CCDC146: variants seen among roughly 807,000 people sequenced by gnomAD.
CCDC146 encodes coiled-coil domain containing 146.
Under a neutral mutation model 119.3 loss-of-function variants are expected in CCDC146, and 92 were observed. The observed-to-expected ratio is 0.77, with a 90% confidence interval of 0.65 to 0.92. The LOEUF is 0.92. Ranked by LOEUF, CCDC146 falls within the 40% of genes least tolerant of loss-of-function variation. CCDC146 has a pLI of 0.00. For missense variants in CCDC146, 1,000 were observed against 1,103.0 expected, an observed-to-expected ratio of 0.91 and a Z score of 1.32; for synonymous variants, 372 against 371.8, an observed-to-expected ratio of 1.00 and a Z score of -0.01.
chr7:77,246,138 C>T (rs1241532490), intron 4 of CCDC146, among the ~76,000 whole-genome samples: 1 of 152,132 alleles, frequency 6.6e-6, no homozygotes, highest in Non-Finnish European at 1.5e-5. Flanking sequence ...TCAGCCCTGA[C>T]TGGTCAGTCA....
Position 77,261,769 on chromosome 7 carries a change from G to T in CCDC146, c.987-352G>T, listed in dbSNP as rs189130298. On this transcript the variant is annotated intron_variant, in intron 8 of 18. Transcript: ENST00000285871. ...TGGGATTACAGGCGTGAGCCACCGC[G>T]CCCAGCCCTCATTCTTTTTTATGGC... Among the ~76,000 whole-genome samples, 5 of 152,334 alleles carry T rather than the reference G, an allele frequency of 3.3e-5. No individual in the cohort carries two copies. In the South Asian group the frequency reaches 6.2e-4, roughly 19 times the overall value.
chr7:77,287,673 G>A (rs74874938), intron 17 of CCDC146, 96 bp downstream of exon 17: 4 of 1,337,710 alleles, frequency 3.0e-6, no homozygotes, highest in Non-Finnish European at 4.1e-6. Flanking sequence ...AAGCACTGGA[G>A]AGATTAGGCT....
chr7:77,183,690 T>G (rs1448611143), intron 2 of CCDC146, among the ~76,000 whole-genome samples: 1 of 152,210 alleles, frequency 6.6e-6, no homozygotes, highest in Non-Finnish European at 1.5e-5. Context: ...TGATAAAATG[T>G]GATCACTTCT....
chr7:77,186,566 C>T (rs1791670065), intron 2 of CCDC146, among the ~76,000 whole-genome samples: 1 of 151,984 alleles, frequency 6.6e-6, no homozygotes, highest in Admixed American at 6.6e-5. Context: ...ACGAGACCTA[C>T]AATGGGGGAC....
At chr7:77,125,038 A>T (rs1435658119) in intron 1 of CCDC146, among the ~76,000 whole-genome samples, 7 of 151,932 alleles carry the variant, frequency 4.6e-5, no homozygotes, top group Admixed American at 2.0e-4. Context: ...ACTAAAAATT[A>T]AAAAAATTAG....
chr7:77,191,313 G>A (rs1732212413), intron 2 of CCDC146, among the ~76,000 whole-genome samples: 1 of 152,074 alleles, frequency 6.6e-6, no homozygotes, highest in Non-Finnish European at 1.5e-5. Context: ...GGCTGTAATT[G>A]CTTCTCACCT....
chr7:77,184,664 A>G (rs1206251586), intron 2 of CCDC146, among the ~76,000 whole-genome samples: 1 of 152,190 alleles, frequency 6.6e-6, no homozygotes, highest in Non-Finnish European at 1.5e-5. Flanking sequence ...AAATTCTGCC[A>G]TGTAACCATG....
chr7:77,290,879 C>T (rs1332415671), intron 17 of CCDC146, among the ~76,000 whole-genome samples: 3 of 152,162 alleles, frequency 2.0e-5, no homozygotes, highest in Admixed American at 6.5e-5. Flanking sequence ...CAGATATGCT[C>T]TGTTAGGAGA....
At chr7:77,278,423 A>G (rs1584141084) in intron 11 of CCDC146, among the ~76,000 whole-genome samples, 1 of 149,990 alleles carries the variant, frequency 6.7e-6, no homozygotes. Flanking sequence ...CAACCCAGCA[A>G]GCCAAGAAAT....
intron 9 of CCDC146, among the ~76,000 whole-genome samples, chr7:77,262,512 A>G (rs1233593883): frequency 6.6e-6 from 1 of 152,246 alleles, no homozygotes; most frequent in Non-Finnish European, 1.5e-5. Context: ...CCAAGATTAG[A>G]GAAATGTCTT....
chr7:77,123,403 G>GGGGT (rs1379477523), intron 1 of CCDC146, among the ~76,000 whole-genome samples: 346 of 125,228 alleles, frequency 2.8e-3, no homozygotes, highest in African/African-American at 9.3e-3. Flanking sequence ...GACCCTATAA[G>GGGGT]GTGTGTGTGT....
chr7:77,282,625 A>G lies in CCDC146; in HGVS notation c.1988A>G (p.Lys663Arg), dbSNP rs573731267. Residue 663 changes from lysine to arginine, a missense_variant, in exon 15 of 19, where the codon AAG (lysine) becomes AGG (arginine). Physicochemically the swap from Lys to Arg is conservative, Grantham distance 26 (BLOSUM62 2). Around this residue, in one of 2 missense-constraint regions of CCDC146, gnomAD observed 985 missense variants for 1,045.3 expected, o/e 0.94. Transcript: ENST00000285871. ...IFYEKINIQEKMKLNGEIEIH... is the reference protein window; with the variant it reads ...IFYEKINIQERMKLNGEIEIH... Reference sequence around the variant, plus strand: ...TATGAAAAAATAAATATCCAAGAGAAGATGAAACTAAATGGAGAAATTGAA... The same window carrying G: ...TATGAAAAAATAAATATCCAAGAGAGGATGAAACTAAATGGAGAAATTGAA... The G allele has an allele frequency of 1.2e-6, 2 of 1,613,126 alleles. No individual in the cohort carries two copies. The highest frequency in any genetic ancestry group is 2.7e-5 in the African/African-American group (2 of 75,026).
chr7:77,192,874 G>C (rs890719631), intron 2 of CCDC146, among the ~76,000 whole-genome samples: 2 of 152,050 alleles, frequency 1.3e-5, no homozygotes, highest in African/African-American at 2.4e-5. Flanking sequence ...AGTGAGCCGA[G>C]ATCTCGCCAT....
At chr7:77,275,489 T>C (rs1793617148) in intron 11 of CCDC146, among the ~76,000 whole-genome samples, 1 of 152,194 alleles carries the variant, frequency 6.6e-6, no homozygotes, top group African/African-American at 2.4e-5. Context: ...TTTGAACAGA[T>C]GGCAATTTCA....
intron 9 of CCDC146, 72 bp downstream of exon 9, chr7:77,262,379 T>G (rs1793317336): frequency 4.8e-6 from 6 of 1,257,058 alleles, no homozygotes; most frequent in Non-Finnish European, 6.5e-6. Context: ...TTTTAGGAAG[T>G]TGTTTTTGCT....
chr7:77,205,417 G>A (rs1792065187), intron 2 of CCDC146, among the ~76,000 whole-genome samples: 1 of 152,130 alleles, frequency 6.6e-6, no homozygotes, highest in Non-Finnish European at 1.5e-5. Context: ...CCTGAAAGAA[G>A]TTTATCTAAT....
intron 1 of CCDC146, among the ~76,000 whole-genome samples, chr7:77,145,336 C>G (rs1164174972): frequency 6.6e-6 from 1 of 151,230 alleles, no homozygotes; most frequent in Non-Finnish European, 1.5e-5. Flanking sequence ...TGCTAGTGGT[C>G]TATCAATTTT....
intron 2 of CCDC146, among the ~76,000 whole-genome samples, chr7:77,181,801 C>T (rs1791594178): frequency 6.6e-6 from 1 of 152,074 alleles, no homozygotes; most frequent in Admixed American, 6.5e-5. Flanking sequence ...TTTTTATATG[C>T]TTGAATGTAT....
At chr7:77,274,109 CTTCTTT>C (rs757926374) in intron 10 of CCDC146, among the ~76,000 whole-genome samples, 11 of 152,174 alleles carry the variant, frequency 7.2e-5, no homozygotes, top group Non-Finnish European at 1.5e-4. Context: ...TTTTATGTGT[CTTCTTT>C]TTCTTAGTCA....
Sources: gnomAD v4.1 joint callset for allele counts (sites outside exome capture counted in the v4.1 genomes callset) on GRCh38, gnomAD v4.1.1 for gene constraint, gnomAD v4.1.1 regional missense constraint, MANE v1.5 for transcripts, NCBI Gene and HGNC (gene_info 2026-07-23, HGNC 2026-07-21) for gene names.